NBPF20: variants seen among roughly 807,000 people sequenced by gnomAD.
The protein encoded by NBPF20 is NBPF family member NBPF20.
In NBPF20, 90 loss-of-function variants were observed where a neutral mutation model predicts 68.1. That is an observed-to-expected ratio of 1.32 (90% confidence interval 1.11 to 1.58). NBPF20 has a LOEUF of 1.58. Ranked by LOEUF, NBPF20 falls within the 40% of genes most tolerant of loss-of-function variation. The probability of loss-of-function intolerance (pLI) is 0.00; values close to 1 mark genes in which losing one functional copy is unlikely to be tolerated. For synonymous variants in NBPF20, 290 were observed against 228.1 expected, an observed-to-expected ratio of 1.27 and a Z score of -2.45; for missense variants, 816 against 601.2, an observed-to-expected ratio of 1.36 and a Z score of -3.74.
At position 145,403,213 on chromosome 1, in the gene NBPF20, C is replaced by A. The variant is rs1558979550; in HGVS notation, c.278+3G>T. On this transcript the variant is annotated splice_donor_region_variant and intron_variant, in intron 3 of 137. Transcript: ENST00000369373. ...CCTGCCTGCCACCATGGGGTCCCCT[C>A]ACCTGAGCTCCTCAGCTTGCTTGAG... is the stretch of plus-strand genomic sequence containing the variant. 62 of 1,612,422 alleles carry A rather than the reference C, an allele frequency of 3.8e-5. No individual in the cohort carries two copies. The highest frequency in any genetic ancestry group is 5.0e-5 in the Non-Finnish European group (59 of 1,180,002).
chr1:145,403,194 T>C (rs1662608896), intron 3 of NBPF20, 22 bp downstream of exon 8: 2 of 1,612,196 alleles, frequency 1.2e-6, no homozygotes, highest in Admixed American at 3.3e-5. Flanking sequence ...CCCCCCTGCC[T>C]GCCACCATGG....
At chr1:145,292,707 C>T (rs587712649) in intron 136 of NBPF20, among the ~76,000 whole-genome samples, 1 of 143,182 alleles carries the variant, frequency 7.0e-6, no homozygotes, top group African/African-American at 2.8e-5. Flanking sequence ...TCTAGTAGAT[C>T]GTTATCCCAA....
chr1:145,406,082 C>CT (rs1662766100), upstream of NBPF20, among the ~76,000 whole-genome samples: 1 of 143,690 alleles, frequency 7.0e-6, no homozygotes, highest in Non-Finnish European at 1.5e-5. Flanking sequence ...CCACGCCCGG[C>CT]TAATTTTTTT....
chr1:145,396,685 G>A (rs1435879502), intron 7 of NBPF20, among the ~76,000 whole-genome samples: 2 of 150,056 alleles, frequency 1.3e-5, no homozygotes, highest in African/African-American at 5.0e-5. Flanking sequence ...AGAAGAGAGT[G>A]GGAGCAATAT....
chr1:145,292,627 G>A (rs1230234675), intron 136 of NBPF20, 138 bp from the exon 142 acceptor site: 6 of 739,582 alleles, frequency 8.1e-6, no homozygotes, highest in Non-Finnish European at 1.2e-5. Context: ...TATTTCAGGA[G>A]GCCTGAAGGC....
upstream of NBPF20, among the ~76,000 whole-genome samples, chr1:145,409,766 A>G (rs1328434621): frequency 2.0e-5 from 3 of 151,986 alleles, no homozygotes; most frequent in Admixed American, 2.0e-4. Flanking sequence ...AGACTTATAG[A>G]TTAAAAGAAG....
At chr1:145,402,517 C>G in intron 3 of NBPF20, 136 bp from the exon 9 acceptor site, 1 of 794,082 alleles carries the variant, frequency 1.3e-6, no homozygotes, top group Non-Finnish European at 2.2e-6. Flanking sequence ...AAAGGAATGT[C>G]TGTGGCCAAG....
At chr1:145,298,345 C>G (rs1485190451) in intron 129 of NBPF20, among the ~76,000 whole-genome samples, 3 of 141,866 alleles carry the variant, frequency 2.1e-5, no homozygotes, top group African/African-American at 8.9e-5. Flanking sequence ...CACACACACA[C>G]ACACACACAC....
chr1:145,410,871 G>A, the NBPF20 span, among the ~76,000 whole-genome samples: 1 of 132,360 alleles, frequency 7.6e-6, no homozygotes, highest in Non-Finnish European at 1.6e-5. Flanking sequence ...TCAAAACGGT[G>A]AATATATATA....
chr1:145,311,863 T>A (rs1661492251), intron 112 of NBPF20, among the ~76,000 whole-genome samples: 1 of 111,772 alleles, frequency 8.9e-6, no homozygotes. Flanking sequence ...TAGCGAGGAT[T>A]TTAGATGCTG....
At chr1:145,397,817 A>C (rs1662331747) in intron 7 of NBPF20, among the ~76,000 whole-genome samples, 1 of 152,192 alleles carries the variant, frequency 6.6e-6, no homozygotes, top group African/African-American at 2.4e-5. Context: ...AAGTCCCATC[A>C]GTGTGCTGTA....
At chr1:145,292,083 A>G (rs1553657974) in intron 137 of NBPF20, among the ~76,000 whole-genome samples, 1 of 149,562 alleles carries the variant, frequency 6.7e-6, no homozygotes, top group Admixed American at 6.6e-5. Context: ...CACACAGCAA[A>G]CTGTGATCAT....
chr1:145,372,528 C>G lies in NBPF20; in HGVS notation c.4353G>C (p.Leu1451Phe). The G allele has an allele frequency of 4.1e-6, 2 of 488,904 alleles. 1 individual carries two copies. The highest frequency in any genetic ancestry group is 6.8e-6 in the Non-Finnish European group (2 of 293,304). 30.3% of individuals were successfully genotyped at this position (488,904 alleles called of 1,614,324 possible). The change falls in exon 36 of 138, where the codon TTG (leucine) becomes TTC (phenylalanine). Residue 1451 changes from leucine to phenylalanine, a missense_variant. Transcript: ENST00000369373. ...GATACTCACTGTCCACGTCAAGAGCCAAGCCAAGGTACTGTTCCTCCAATG... is the reference window on the plus strand; with the variant it reads ...GATACTCACTGTCCACGTCAAGAGCGAAGCCAAGGTACTGTTCCTCCAATG...
the NBPF20 span, among the ~76,000 whole-genome samples, chr1:145,411,055 G>A: frequency 1.2e-4 from 18 of 145,276 alleles, no homozygotes; most frequent in South Asian, 3.7e-3. Context: ...TTTCATAGCT[G>A]TAGAGTAATT....
chr1:145,410,239 T>C (rs1375276600), upstream of NBPF20, among the ~76,000 whole-genome samples: 3 of 151,990 alleles, frequency 2.0e-5, no homozygotes, highest in African/African-American at 7.2e-5. Context: ...TGGTATCTCA[T>C]TGTTGCACTG....
At chr1:145,311,706 G>A (rs1661484956) in intron 112 of NBPF20, among the ~76,000 whole-genome samples, 2 of 27,572 alleles carry the variant, frequency 7.3e-5, no homozygotes, top group Non-Finnish European at 1.0e-4. Flanking sequence ...CTGGTAGATC[G>A]TTATCCCAAT....
intron 83 of NBPF20, among the ~76,000 whole-genome samples, chr1:145,334,947 C>T (rs1307510211): frequency 1.3e-3 from 151 of 114,162 alleles, no homozygotes; most frequent in African/African-American, 3.8e-3. Flanking sequence ...GGACACACAG[C>T]GAACAGTGAT....
intron 8 of NBPF20, among the ~76,000 whole-genome samples, chr1:145,394,479 G>A (rs1283486477): frequency 4.6e-5 from 7 of 152,200 alleles, no homozygotes; most frequent in Admixed American, 2.0e-4. Flanking sequence ...TAAAACAAGC[G>A]AACTTAGAAG....
exon 2 of NBPF20, chr1:145,405,132 C>T (rs781797044): frequency 3.7e-6 from 6 of 1,613,746 alleles, no homozygotes; most frequent in Admixed American, 1.7e-5. Flanking sequence ...GGAAGCCGGC[C>T]AGTTGAGTTA....
Sources: allele counts gnomAD v4.1 joint callset (sites outside exome capture counted in the v4.1 genomes callset), GRCh38; gene constraint gnomAD v4.1.1; transcripts MANE v1.5; gene names NCBI Gene and HGNC (gene_info 2026-07-23, HGNC 2026-07-21).